AGMO: variants seen among roughly 807,000 people sequenced by gnomAD.
AGMO encodes the protein glyceryl-ether monooxygenase.
Under a neutral mutation model 60.2 loss-of-function variants are expected in AGMO, and 75 were observed. The ratio of observed to expected loss-of-function variants is 1.25; its 90% CI spans 1.03 to 1.51. The LOEUF is 1.51. Ranked by LOEUF, AGMO falls within the 40% of genes most tolerant of loss-of-function variation. The probability of loss-of-function intolerance (pLI) is 0.00; values close to 1 mark genes in which losing one functional copy is unlikely to be tolerated. For missense variants in AGMO, 763 were observed against 525.5 expected (o/e 1.45, Z -4.42); for synonymous variants, 261 against 177.1 (o/e 1.47, Z -3.76).
intron 12 of AGMO, among the ~76,000 whole-genome samples, chr7:15,217,187 T>C (rs1781766269): frequency 1.3e-5 from 2 of 152,098 alleles, no homozygotes; most frequent in Non-Finnish European, 1.5e-5. Flanking sequence ...ATTTTCTTTC[T>C]ACAATTTGTC....
intron 3 of AGMO, among the ~76,000 whole-genome samples, chr7:15,475,325 A>T (rs1418232549): frequency 1.3e-5 from 2 of 152,172 alleles, no homozygotes; most frequent in Non-Finnish European, 2.9e-5. Flanking sequence ...GATAAAGAAA[A>T]TGTGGCACAT....
At chr7:15,526,844 T>G (rs565787304) in intron 3 of AGMO, among the ~76,000 whole-genome samples, 15 of 152,336 alleles carry the variant, frequency 9.8e-5, no homozygotes, top group African/African-American at 3.6e-4. Context: ...TATCACACAC[T>G]GGTAATTCAC....
intron 5 of AGMO, among the ~76,000 whole-genome samples, chr7:15,408,998 T>C (rs2128491869): frequency 6.6e-6 from 1 of 151,752 alleles, no homozygotes; most frequent in Middle Eastern, 3.4e-3. Flanking sequence ...AATTGGGTAT[T>C]AGATGAATTT....
At chr7:15,318,108 C>G (rs537613412) in intron 12 of AGMO, among the ~76,000 whole-genome samples, 84 of 151,194 alleles carry the variant, frequency 5.6e-4, no homozygotes, top group African/African-American at 2.0e-3. Context: ...GGGGTTCAAA[C>G]AATTCTCTTG....
chr7:15,414,649 A>C (rs956907690), intron 5 of AGMO, among the ~76,000 whole-genome samples: 11 of 152,150 alleles, frequency 7.2e-5, no homozygotes, highest in African/African-American at 2.7e-4. Flanking sequence ...AGGGGAAAAA[A>C]AAGAAACAAA....
chr7:15,439,277 G>A (rs569666331), intron 3 of AGMO, among the ~76,000 whole-genome samples: 5 of 152,078 alleles, frequency 3.3e-5, no homozygotes, highest in African/African-American at 9.7e-5. Flanking sequence ...CACACCTGTA[G>A]TCCCAGCTAC....
intron 3 of AGMO, among the ~76,000 whole-genome samples, chr7:15,456,191 CA>C (rs1355401921): frequency 3.9e-5 from 6 of 152,080 alleles, no homozygotes; most frequent in African/African-American, 1.2e-4. Context: ...TTTAATTTCT[CA>C]AACTTCACTT....
At chr7:15,179,455 A>C in the AGMO span, among the ~76,000 whole-genome samples, 7 of 152,302 alleles carry the variant, frequency 4.6e-5, no homozygotes, top group South Asian at 1.4e-3. Context: ...ACTTGTCTCA[A>C]GTAAGTAAAA....
chr7:15,171,755 A>C, the AGMO span, among the ~76,000 whole-genome samples: 1 of 152,222 alleles, frequency 6.6e-6, no homozygotes, highest in South Asian at 2.1e-4. Flanking sequence ...CATTTAATTA[A>C]CATTAACTCC....
intron 12 of AGMO, among the ~76,000 whole-genome samples, chr7:15,319,304 G>C (rs1043565366): frequency 6.6e-6 from 1 of 152,116 alleles, no homozygotes; most frequent in Admixed American, 6.6e-5. Context: ...ATCCAGAGAG[G>C]TGAGTTCAAC....
At chr7:15,404,477 G>C (rs909830648) in intron 5 of AGMO, among the ~76,000 whole-genome samples, 1 of 151,832 alleles carries the variant, frequency 6.6e-6, no homozygotes, top group Non-Finnish European at 1.5e-5. Flanking sequence ...AAACAACACG[G>C]AGTAGATTTA....
intron 12 of AGMO, among the ~76,000 whole-genome samples, chr7:15,247,830 C>A (rs569865692): frequency 4.0e-5 from 6 of 151,764 alleles, no homozygotes; most frequent in Admixed American, 3.9e-4. Flanking sequence ...TAAGTCAATT[C>A]AAAATTGAGT....
intron 6 of AGMO, among the ~76,000 whole-genome samples, chr7:15,391,840 C>G (rs534630109): frequency 2.0e-5 from 3 of 152,080 alleles, no homozygotes; most frequent in Non-Finnish European, 2.9e-5. Context: ...GGGAGGGGAT[C>G]CTAATGACAT....
the AGMO span, among the ~76,000 whole-genome samples, chr7:15,182,139 G>GCA: frequency 6.6e-6 from 1 of 152,180 alleles, no homozygotes; most frequent in Non-Finnish European, 1.5e-5. Context: ...TGTATGAGGT[G>GCA]CATAGAGTCA....
At chr7:15,187,159 G>A in the AGMO span, among the ~76,000 whole-genome samples, 2 of 152,080 alleles carry the variant, frequency 1.3e-5, no homozygotes. Context: ...AAATTTTATA[G>A]AATTGTGTCT....
At chr7:15,484,547 G>A (rs1406161335) in intron 3 of AGMO, among the ~76,000 whole-genome samples, 1 of 152,066 alleles carries the variant, frequency 6.6e-6, no homozygotes, top group African/African-American at 2.4e-5. Flanking sequence ...GGACACTTTT[G>A]TATATATGCC....
intron 2 of AGMO, 141 bp downstream of exon 2, chr7:15,560,000 A>C (rs893340820): frequency 2.2e-5 from 17 of 765,994 alleles, no homozygotes; most frequent in Non-Finnish European, 3.1e-5. Context: ...AAAATATCAA[A>C]ATTTTAAATA....
chr7:15,450,351 C>T (rs932934835), intron 3 of AGMO, among the ~76,000 whole-genome samples: 2 of 149,510 alleles, frequency 1.3e-5, no homozygotes, highest in African/African-American at 4.9e-5. Context: ...ACCCAGGGGG[C>T]AGAGCTTGCA....
chr7:15,421,802 G>A (rs1780932819), intron 4 of AGMO, among the ~76,000 whole-genome samples: 2 of 152,162 alleles, frequency 1.3e-5, no homozygotes, highest in East Asian at 3.9e-4. Flanking sequence ...AAGTGTCTTG[G>A]TTGAACTTGT....
Sources: allele counts gnomAD v4.1 joint callset (sites outside exome capture counted in the v4.1 genomes callset), GRCh38; gene constraint gnomAD v4.1.1; transcripts MANE v1.5; gene names NCBI Gene and HGNC (gene_info 2026-07-23, HGNC 2026-07-21).